The following IL4I1 variants were observed in gnomAD, a reference collection of about 807,000 sequenced individuals.
IL4I1 encodes L-amino-acid oxidase.
A neutral mutation model predicts 29.7 loss-of-function variants in IL4I1; 24 were observed. That is an observed-to-expected ratio of 0.81 (90% CI 0.59 to 1.14). The LOEUF is 1.14. Ranked by LOEUF, IL4I1 falls within the 50% of genes most tolerant of loss-of-function variation. The pLI, the probability that IL4I1 is intolerant of heterozygous loss-of-function variation, is 0.00. For synonymous variants in IL4I1, 371 were observed against 352.5 expected, an observed-to-expected ratio of 1.05 and a Z score of -0.59; for missense variants, 686 against 785.6, an observed-to-expected ratio of 0.87 and a Z score of 1.52.
At chr19:49,902,181 G>A (rs184008238) in intron 3 of IL4I1, among the ~76,000 whole-genome samples, 21 of 152,218 alleles carry the variant, frequency 1.4e-4, no homozygotes, top group African/African-American at 4.8e-4. Flanking sequence ...CGTATTTTTA[G>A]TAGAGACAGG....
intron 5 of IL4I1, among the ~76,000 whole-genome samples, chr19:49,893,289 A>T (rs62126286): frequency 0.17 from 25,141 of 144,532 alleles, 2,617 homozygotes; most frequent in South Asian, 0.29. Flanking sequence ...AGGCTGGGGG[A>T]GGGTCCAGGG....
chr19:49,891,605 G>A (rs1568684267), intron 5 of IL4I1, 132 bp from the exon 6 acceptor site: 1 of 749,588 alleles, frequency 1.3e-6, no homozygotes, highest in East Asian at 2.6e-5. Flanking sequence ...CAAGCCCCTG[G>A]GCTTTTGCCC....
chr19:49,898,986 G>A (rs2075246214), upstream of IL4I1, among the ~76,000 whole-genome samples: 1 of 152,262 alleles, frequency 6.6e-6, no homozygotes, highest in Non-Finnish European at 1.5e-5. Flanking sequence ...GGCACAGAGA[G>A]GGGAAAAGGC....
At chr19:49,929,490 C>A (rs1229139858) in exon 1 of IL4I1, 1 of 152,318 alleles carries the variant, frequency 6.6e-6, no homozygotes, top group Non-Finnish European at 1.5e-5. Context: ...GGTGGGGAGT[C>A]GCGAGCGGGG....
upstream of IL4I1, among the ~76,000 whole-genome samples, chr19:49,898,975 G>A (rs1043190764): frequency 2.4e-4 from 37 of 152,236 alleles, no homozygotes; most frequent in African/African-American, 8.9e-4. Flanking sequence ...GAGGACCCTG[G>A]GGCACAGAGA....
chr19:49,890,936 G>GCC (rs56091826), intron 7 of IL4I1, 35 bp downstream of exon 7: 115 of 312,102 alleles, frequency 3.7e-4, no homozygotes, highest in South Asian at 8.3e-4. Context: ...ATTGCCCCCC[G>GCC]CCCCCCCCCC....
chr19:49,908,356 T>C (rs1474233507), intron 2 of IL4I1: 2 of 1,614,112 alleles, frequency 1.2e-6, no homozygotes, highest in South Asian at 1.1e-5. Flanking sequence ...TCCACTGCAG[T>C]GAGTCCATGT....
At chr19:49,917,883 T>G (rs1486103990) in intron 2 of IL4I1, 1 of 152,078 alleles carries the variant, frequency 6.6e-6, no homozygotes, top group Non-Finnish European at 1.5e-5. Context: ...AATATAAAAA[T>G]TAGCCAGGTG....
rs560858185 is a variant in IL4I1 at position 49,920,430 on chromosome 19, G to A, written c.-228+7264C>T. 1.1e-4 allele frequency among the ~76,000 whole-genome samples: 16 copies of A among 152,334 alleles called. 1 individual carries two copies. The South Asian group carries it at 3.1e-3, about 30-fold the overall frequency. On this transcript the variant is annotated intron_variant, in intron 2 of 9. Transcript: ENST00000341114. ...AAAATGTTCTAAAATTGACTGTGGT[G>A]ATGGCTGCACAACTCTGTCAACGTA...
intron 4 of IL4I1, 37 bp from the exon 5 acceptor site, chr19:49,894,506 A>G: frequency 8.1e-7 from 1 of 1,230,378 alleles, no homozygotes; most frequent in African/African-American, 1.9e-5. Flanking sequence ...GCCGGGCTCC[A>G]GTGGGGGTGG....
intron 2 of IL4I1, among the ~76,000 whole-genome samples, chr19:49,913,439 G>A (rs2075533198): frequency 6.6e-6 from 1 of 152,172 alleles, no homozygotes; most frequent in Admixed American, 6.5e-5. Context: ...GGGGGCTTTG[G>A]GTCATACAGT....
chr19:49,927,638 CAAG>C (rs913471982), intron 2 of IL4I1: 2 of 152,162 alleles, frequency 1.3e-5, no homozygotes, highest in Admixed American at 6.6e-5. Context: ...GGTCAGATCC[CAAG>C]AAGGACTTCC....
chr19:49,914,735 T>G lies in IL4I1; in HGVS notation c.-227-10414A>C, dbSNP rs1340126560. On this transcript the variant is annotated intron_variant, in intron 2 of 9. Coordinates refer to the IL4I1 transcript ENST00000341114. ...GCCACTCCAAGTCCCAGTTTTTTTT[T>G]TTTTTTTTTTTTTTTTTTTTTTGAG... Among the ~76,000 whole-genome samples the G allele has an allele frequency of 5.4e-5, 6 of 111,696 alleles. No homozygotes were observed. The East Asian group carries it at 7.3e-4, about 14-fold the overall frequency. 73.3% of individuals were successfully genotyped at this position (111,696 alleles called of 152,430 possible). A position where few individuals can be genotyped will look rare whatever the true frequency, so the allele number is the denominator to read the frequency against.
intron 5 of IL4I1, among the ~76,000 whole-genome samples, chr19:49,893,957 G>A (rs2075171572): frequency 7.3e-6 from 1 of 136,244 alleles, no homozygotes; most frequent in South Asian, 2.3e-4. Context: ...TTGCACTCCA[G>A]CCTGGGTGAC....
chr19:49,889,969 A>T lies in IL4I1; in HGVS notation c.1405T>A (p.Trp469Arg). ...PALWQTEKDD[W>R]TVPYGRIYFA... is the part of the protein sequence containing the mutation. ...TAGATGCGGCCATAAGGGACCGTCC[A>T]GTCATCCTTTTCGGTTTGCCAGAGC... is the stretch of plus-strand genomic sequence containing the variant. Residue 469 changes from tryptophan (W) to arginine (R), a missense_variant, in exon 8 of 8, where the codon TGG (tryptophan) becomes AGG (arginine). Transcript: ENST00000391826. 6.3e-7 allele frequency: 1 copy of T among 1,581,538 alleles called. No homozygotes were observed. Among genetic ancestry groups the T allele is most frequent in the Non-Finnish European group, 8.6e-7 (1 of 1,164,088 alleles).
intron 2 of IL4I1, among the ~76,000 whole-genome samples, chr19:49,927,326 TG>T (rs779953055): frequency 2.2e-4 from 34 of 152,260 alleles, no homozygotes; most frequent in South Asian, 2.1e-4. Context: ...TTTGGCTTCC[TG>T]GGGCCACATT....
chr19:49,912,137 A>G (rs1290739), intron 2 of IL4I1, among the ~76,000 whole-genome samples: 123,186 of 150,560 alleles, frequency 0.82, 50,728 homozygotes, highest in East Asian at 0.95. Flanking sequence ...ACAATCTTCT[A>G]TGGGGACTTG....
chr19:49,916,447 G>C (rs965103259), intron 2 of IL4I1, among the ~76,000 whole-genome samples: 1 of 148,980 alleles, frequency 6.7e-6, no homozygotes, highest in Non-Finnish European at 1.5e-5. Flanking sequence ...TCCGCCTCCC[G>C]GTATCTTTTG....
At chr19:49,902,364 T>C (rs971686118) in intron 3 of IL4I1, among the ~76,000 whole-genome samples, 1 of 150,454 alleles carries the variant, frequency 6.6e-6, no homozygotes, top group African/African-American at 2.4e-5. Flanking sequence ...CATTTCTTTT[T>C]TTTTTTTTTT....
Sources: gnomAD v4.1 joint callset for allele counts (sites outside exome capture counted in the v4.1 genomes callset) on GRCh38, gnomAD v4.1.1 for gene constraint, MANE v1.5 for transcripts, NCBI Gene and HGNC (gene_info 2026-07-23, HGNC 2026-07-21) for gene names.